The following SNX8 variants were observed in gnomAD, a reference collection of about 807,000 sequenced individuals.
The protein encoded by SNX8 is sorting nexin-8.
SNX8 carries 25 observed loss-of-function variants against 51.6 expected under a neutral mutation model. The ratio of observed to expected loss-of-function variants is 0.48; its 90% CI spans 0.35 to 0.68. The LOEUF is 0.68. SNX8 is among the 30% of genes least tolerant of loss of function. The pLI is 0.00. For missense variants in SNX8, 695 were observed against 624.0 expected (o/e 1.11, Z -1.21); for synonymous variants, 324 against 277.0 (o/e 1.17, Z -1.68).
At chr7:2,297,204 T>C (rs1584715275) in intron 1 of SNX8, among the ~76,000 whole-genome samples, 1 of 151,846 alleles carries the variant, frequency 6.6e-6, no homozygotes, top group Admixed American at 6.6e-5. Context: ...ACATCTACCA[T>C]TCAATCCAGT....
intron 1 of SNX8, among the ~76,000 whole-genome samples, chr7:2,345,646 C>A (rs548381747): frequency 2.7e-5 from 4 of 150,818 alleles, no homozygotes; most frequent in South Asian, 4.2e-4. Flanking sequence ...CCACTACACA[C>A]TCTAGCCTGG....
Position 2,351,700 on chromosome 7 carries a change from A to T in SNX8, c.-66+2522T>A, listed in dbSNP as rs13310848. 3.9e-4 allele frequency among the ~76,000 whole-genome samples: 59 copies of T among 150,564 alleles called. No homozygotes were observed. The East Asian group carries it at 6.6e-3, about 17-fold the overall frequency. ...CAAAAAATTAGCCGGGTGTGGTGGC[A>T]GGCGCCTGTAGTCCCAGCTACTCGG... On this transcript the variant is annotated intron_variant, in intron 1 of 5. Coordinates refer to the SNX8 transcript ENST00000435336.
chr7:2,273,747 CA>C (rs1313621069), intron 3 of SNX8, among the ~76,000 whole-genome samples: 1 of 140,214 alleles, frequency 7.1e-6, no homozygotes. Flanking sequence ...ACTAAAAATA[CA>C]AAAAAATTAG....
rs371273901 is a variant in SNX8 at position 2,271,988 on chromosome 7, G to A, written c.419-17C>T. ...CCCTGTCAGCTGGAGGAGCACACGG[G>A]GTCACTGGACAGAGTCCAGGGCGCC... On this transcript the variant is annotated splice_polypyrimidine_tract_variant and intron_variant, in intron 3 of 10. Coordinates refer to ENST00000222990, the MANE Select transcript of SNX8 (RefSeq NM_013321.4). 2.7e-5 allele frequency: 43 copies of A among 1,613,624 alleles called. No individual in the cohort carries two copies. The African/African-American group carries it at 4.4e-4, about 17-fold the overall frequency.
intron 1 of SNX8, among the ~76,000 whole-genome samples, chr7:2,305,512 C>T (rs1249129321): frequency 6.6e-6 from 1 of 151,764 alleles, no homozygotes; most frequent in Admixed American, 6.6e-5. Flanking sequence ...TACAGGCACC[C>T]GCCACCACAC....
chr7:2,314,268 CGGG>C (rs1796716728), intron 1 of SNX8, 57 bp downstream of exon 1: 1 of 1,212,840 alleles, frequency 8.2e-7, no homozygotes, highest in Admixed American at 4.3e-5. Flanking sequence ...CCCCGTCCGC[CGGG>C]GGTGGTCGGG....
At chr7:2,325,939 G>A (rs949947235) in intron 1 of SNX8, among the ~76,000 whole-genome samples, 2 of 152,176 alleles carry the variant, frequency 1.3e-5, no homozygotes, top group Admixed American at 1.3e-4. Flanking sequence ...AGAAATCTTA[G>A]CGGGAATGTA....
At chr7:2,280,528 T>C (rs551108398) in intron 1 of SNX8, among the ~76,000 whole-genome samples, 1 of 152,196 alleles carries the variant, frequency 6.6e-6, no homozygotes, top group South Asian at 2.1e-4. Flanking sequence ...CATGTATTAA[T>C]TTTTATGATT....
chr7:2,305,332 C>T (rs1486571718), intron 1 of SNX8, among the ~76,000 whole-genome samples: 1 of 152,126 alleles, frequency 6.6e-6, no homozygotes, highest in East Asian at 1.9e-4. Flanking sequence ...ATCTTAGGAA[C>T]CTCAGGTTTT....
At chr7:2,278,642 AGCCGGACTCACACTACGGAGTCGAC>A (rs1795841138) in intron 1 of SNX8, among the ~76,000 whole-genome samples, 6 of 113,428 alleles carry the variant, frequency 5.3e-5, no homozygotes, top group South Asian at 3.1e-4. Context: ...ACGGAGTCGA[AGCCGGACTCACACTACGGAGTCGAC>A]GCCGGACTCA....
chr7:2,278,299 G>A lies in SNX8; in HGVS notation c.101C>T (p.Pro34Leu), dbSNP rs117886084. The A allele has an allele frequency of 0.01, 15,652 of 1,559,078 alleles. 103 individuals are homozygous for A. The highest frequency in any genetic ancestry group is 0.012 in the Non-Finnish European group (13,716 of 1,139,816). ...EEADPPASDL[P>L]TPQAIEPQAI... ...CTGGGGCTCGATGGCCTGGGGTGTC[G>A]GCAGATCTGCAGGGGAGATGGTGAA... The change falls in exon 2 of 11, where the codon CCG becomes CTG. Residue 34 changes from proline (P) to leucine (L), a missense_variant. By Grantham distance (98) the Pro-to-Leu change is moderately conservative (BLOSUM62 -3). Transcript: ENST00000222990.
intron 1 of SNX8, among the ~76,000 whole-genome samples, chr7:2,309,248 G>T (rs1796612484): frequency 6.6e-6 from 1 of 152,192 alleles, no homozygotes; most frequent in Non-Finnish European, 1.5e-5. Context: ...TAGGCCCAGT[G>T]GGGTGGATCA....
At chr7:2,329,216 A>G (rs1778685437) in intron 1 of SNX8, among the ~76,000 whole-genome samples, 1 of 151,906 alleles carries the variant, frequency 6.6e-6, no homozygotes, top group African/African-American at 2.4e-5. Context: ...GGTTACAGTG[A>G]GCCAAGACTG....
Position 2,257,750 on chromosome 7 carries a change from C to G in SNX8, c.969G>C (p.Leu323=). 6.2e-7 allele frequency: 1 copy of G among 1,614,020 alleles called. No individual in the cohort carries two copies. Among genetic ancestry groups the G allele is most frequent in the Non-Finnish European group, 8.5e-7 (1 of 1,179,964 alleles). The part of the protein sequence containing the change: ...VVEKLNLFLD[L]LQSYKDLCER... ...CAAGACTCACCTTATAGGACTGCAG[C>G]AGATCCAAGAAGAGGTTCAGCTTCT... Residue 323 remains leucine (L), a synonymous_variant, in exon 8 of 11, where the codon CTG becomes CTC. Transcript: ENST00000222990.
At position 2,314,368 on chromosome 7, in the gene SNX8, A is replaced by G. The variant is rs1460228645; in HGVS notation, c.54T>C (p.Ala18=). 1.6e-6 allele frequency: 2 copies of G among 1,223,712 alleles called. No individual in the cohort carries two copies. Among genetic ancestry groups the G allele is most frequent in the Admixed American group, 8.6e-5 (2 of 23,368 alleles). 75.8% of individuals were successfully genotyped at this position (1,223,712 alleles called of 1,614,324 possible). ...CCGCCTCCTCGTCAGCCTCCGCCTC[A>G]GCTGCCGCCCCGACTGCAGCCGCGG... The part of the protein sequence containing the change: ...PLPAAAVGAA[A]EAEADEEADP... The change falls in exon 1 of 11, where the codon GCT becomes GCC. Residue 18 remains alanine, a synonymous_variant. Transcript: ENST00000222990.
intron 1 of SNX8, among the ~76,000 whole-genome samples, chr7:2,310,862 A>T (rs902129457): frequency 6.6e-6 from 1 of 152,224 alleles, no homozygotes; most frequent in Non-Finnish European, 1.5e-5. Flanking sequence ...ATAAGGAAGT[A>T]TATGTTTCCT....
chr7:2,338,517 C>A (rs913901141), intron 1 of SNX8, among the ~76,000 whole-genome samples: 3 of 151,116 alleles, frequency 2.0e-5, no homozygotes, highest in Admixed American at 2.0e-4. Context: ...AGCCTGTAGT[C>A]CCAGCTGTGC....
chr7:2,334,093 G>T (rs1271216410), intron 1 of SNX8, among the ~76,000 whole-genome samples: 2 of 152,024 alleles, frequency 1.3e-5, no homozygotes, highest in Non-Finnish European at 2.9e-5. Context: ...AACATAGGGA[G>T]CCTCAGTCTC....
chr7:2,304,153 C>A (rs921704603), intron 1 of SNX8, among the ~76,000 whole-genome samples: 1 of 143,276 alleles, frequency 7.0e-6, no homozygotes, highest in Admixed American at 7.1e-5. Context: ...GACGACAGAG[C>A]GAGACTCCGT....
Sources: allele counts gnomAD v4.1 joint callset (sites outside exome capture counted in the v4.1 genomes callset), GRCh38; gene constraint gnomAD v4.1.1; transcripts MANE v1.5; gene names NCBI Gene and HGNC (gene_info 2026-07-23, HGNC 2026-07-21).